CCDC172: variants seen among roughly 807,000 people sequenced by gnomAD.
CCDC172 encodes the protein coiled-coil domain-containing protein 172.
A neutral mutation model predicts 38.0 loss-of-function variants in CCDC172; 30 were observed. The ratio of observed to expected loss-of-function variants is 0.79; its 90% confidence interval spans 0.59 to 1.07. CCDC172 has a LOEUF of 1.07. CCDC172 is among the 50% of genes least tolerant of loss of function. The probability of loss-of-function intolerance (pLI) is 0.00; values close to 1 mark genes in which losing one functional copy is unlikely to be tolerated. For missense variants in CCDC172, 297 were observed against 290.1 expected, an observed-to-expected ratio of 1.02 and a Z score of -0.17; for synonymous variants, 78 against 88.3, an observed-to-expected ratio of 0.88 and a Z score of 0.66.
chr10:116,325,982 A>C (rs1212343430), intron 3 of CCDC172, among the ~76,000 whole-genome samples: 1 of 152,212 alleles, frequency 6.6e-6, no homozygotes, highest in African/African-American at 2.4e-5. Context: ...AGTAGGAGGA[A>C]AGCGTTCCAG....
chr10:116,366,841 A>G (rs561064223), intron 7 of CCDC172, among the ~76,000 whole-genome samples: 1 of 152,286 alleles, frequency 6.6e-6, no homozygotes, highest in South Asian at 2.1e-4. Context: ...AAGACTTTTT[A>G]GTTTTTGCCA....
In CCDC172 at chr10:116,357,485, T is replaced by G; in HGVS notation, c.550+4T>G. 6.5e-7 allele frequency: 1 copy of G among 1,539,486 alleles called. No individual in the cohort carries two copies. The highest frequency in any genetic ancestry group is 8.8e-7 in the Non-Finnish European group (1 of 1,142,284). ...ACTCTCCAAAGAAAACTTAAAGGTA[T>G]TACCTTCATGAGTTAGCTTATTTTG... On this transcript the variant is annotated splice_donor_region_variant and intron_variant, in intron 6 of 8. Transcript: ENST00000333254.
chr10:116,353,189 T>C (rs1237520140), intron 5 of CCDC172, among the ~76,000 whole-genome samples: 4 of 137,706 alleles, frequency 2.9e-5, no homozygotes, highest in African/African-American at 1.3e-4. Flanking sequence ...CGAGACTCCA[T>C]CTCAAAAAAA....
At chr10:116,373,841 G>A (rs1845214290) in intron 7 of CCDC172, among the ~76,000 whole-genome samples, 1 of 152,126 alleles carries the variant, frequency 6.6e-6, no homozygotes, top group Non-Finnish European at 1.5e-5. Flanking sequence ...AGAGTACACA[G>A]TAATAAATTG....
chr10:116,330,032 G>A (rs1341187604), intron 3 of CCDC172, among the ~76,000 whole-genome samples: 7 of 152,180 alleles, frequency 4.6e-5, no homozygotes, highest in Admixed American at 3.9e-4. Context: ...GTATGAGCTA[G>A]CTATTCTTTT....
At chr10:116,377,730 T>C (rs181892320) in intron 7 of CCDC172, among the ~76,000 whole-genome samples, 126 of 151,804 alleles carry the variant, frequency 8.3e-4, no homozygotes, top group African/African-American at 2.9e-3. Context: ...TTTTTTTTTC[T>C]ATACTTAAAA....
intron 4 of CCDC172, among the ~76,000 whole-genome samples, chr10:116,341,234 A>T (rs1288944934): frequency 6.6e-6 from 1 of 152,118 alleles, no homozygotes; most frequent in Admixed American, 6.6e-5. Context: ...CTCAGAGCCA[A>T]CAGCCTGAGC....
intron 7 of CCDC172, among the ~76,000 whole-genome samples, chr10:116,363,440 G>A (rs543754758): frequency 1.5e-4 from 23 of 152,188 alleles, no homozygotes; most frequent in African/African-American, 5.1e-4. Context: ...ATATGAAATT[G>A]GAGTACTGAT....
intron 7 of CCDC172, among the ~76,000 whole-genome samples, chr10:116,372,383 G>C: frequency 6.6e-6 from 1 of 151,956 alleles, no homozygotes; most frequent in Non-Finnish European, 1.5e-5. Flanking sequence ...AAAATATTCA[G>C]TTATGTAACC....
At chr10:116,333,553 T>C (rs1429724173) in intron 3 of CCDC172, among the ~76,000 whole-genome samples, 1 of 152,098 alleles carries the variant, frequency 6.6e-6, no homozygotes, top group East Asian at 1.9e-4. Context: ...TATCCTAAGA[T>C]GTGTGGTGAT....
At chr10:116,356,920 G>A (rs1845003930) in intron 5 of CCDC172, among the ~76,000 whole-genome samples, 1 of 152,134 alleles carries the variant, frequency 6.6e-6, no homozygotes, top group African/African-American at 2.4e-5. Context: ...TGATTAATAA[G>A]TTCTGGTCAG....
At chr10:116,337,155 A>ATTT (rs35181377) in intron 3 of CCDC172, among the ~76,000 whole-genome samples, 3 of 146,006 alleles carry the variant, frequency 2.1e-5, no homozygotes, top group Admixed American at 6.9e-5. Context: ...GTGATTCTAG[A>ATTT]TTTTTTTTTT....
chr10:116,336,637 A>T (rs1844737366), intron 3 of CCDC172, among the ~76,000 whole-genome samples: 1 of 151,978 alleles, frequency 6.6e-6, no homozygotes, highest in Admixed American at 6.6e-5. Flanking sequence ...TATTTTTCCC[A>T]ATTGTTATGG....
intron 7 of CCDC172, among the ~76,000 whole-genome samples, chr10:116,369,926 G>A (rs1215201028): frequency 6.6e-6 from 1 of 151,852 alleles, no homozygotes; most frequent in Admixed American, 6.6e-5. Context: ...CAATATTCAT[G>A]TGTAGTATAT....
chr10:116,357,934 T>C lies in CCDC172; in HGVS notation c.649T>C (p.Leu217=). 2 of 1,556,692 alleles carry C rather than the reference T, an allele frequency of 1.3e-6. No individual in the cohort carries two copies. Among genetic ancestry groups the C allele is most frequent in the Non-Finnish European group, 1.8e-6 (2 of 1,138,844 alleles). Reference sequence around the variant, plus strand: ...AAAGCCTCAAAATGATACAGAATGCTTAAGGTAAGAGTTTCCTGTTATATT... The same window carrying C: ...AAAGCCTCAAAATGATACAGAATGCCTAAGGTAAGAGTTTCCTGTTATATT... The part of the protein sequence containing the change: ...SEKPQNDTEC[L]RLKKELELYK... The change falls in exon 7 of 9, where the codon TTA becomes CTA. Residue 217 remains leucine, a synonymous_variant. Transcript: ENST00000333254.
At chr10:116,331,419 G>T (rs1844661247) in intron 3 of CCDC172, among the ~76,000 whole-genome samples, 1 of 151,552 alleles carries the variant, frequency 6.6e-6, no homozygotes, top group Admixed American at 6.6e-5. Context: ...ACCACCTCTT[G>T]GCATATTTTA....
At chr10:116,339,435 A>T (rs963341350) in intron 3 of CCDC172, among the ~76,000 whole-genome samples, 18 of 151,818 alleles carry the variant, frequency 1.2e-4, no homozygotes, top group African/African-American at 4.1e-4. Context: ...CTTGTTATAA[A>T]TTTCTATATG....
chr10:116,366,132 T>C (rs1054182644), intron 7 of CCDC172, among the ~76,000 whole-genome samples: 2 of 152,136 alleles, frequency 1.3e-5, no homozygotes, highest in Non-Finnish European at 2.9e-5. Context: ...ATGTAAACTA[T>C]ATGTAATTTC....
intron 5 of CCDC172, among the ~76,000 whole-genome samples, chr10:116,346,755 G>A (rs1844872992): frequency 2.0e-5 from 3 of 151,784 alleles, no homozygotes; most frequent in Admixed American, 2.0e-4. Flanking sequence ...TTTGTTTTCA[G>A]AGTACCTGAT....
Sources: allele counts gnomAD v4.1 joint callset (sites outside exome capture counted in the v4.1 genomes callset), GRCh38; gene constraint gnomAD v4.1.1; transcripts MANE v1.5; gene names NCBI Gene and HGNC (gene_info 2026-07-23, HGNC 2026-07-21).